DPP6: variants seen among roughly 807,000 people sequenced by gnomAD.
DPP6 encodes the protein A-type potassium channel modulatory protein DPP6.
A neutral mutation model predicts 122.6 loss-of-function variants in DPP6; 69 were observed. The ratio of observed to expected loss-of-function variants is 0.56; its 90% CI spans 0.46 to 0.69. The LOEUF (loss-of-function observed/expected upper bound fraction) is 0.69. DPP6 is among the 30% of genes least tolerant of loss of function. The pLI is 0.00. For missense variants in DPP6, 928 were observed against 1,116.9 expected (o/e 0.83, Z 2.41); for synonymous variants, 418 against 433.1 (o/e 0.97, Z 0.43).
intron 1 of DPP6, among the ~76,000 whole-genome samples, chr7:153,966,436 C>G (rs1395962976): frequency 6.7e-6 from 1 of 149,118 alleles, no homozygotes; most frequent in African/African-American, 2.5e-5. Flanking sequence ...TCATTCCCCT[C>G]GTCTTCCCTC....
intron 1 of DPP6, among the ~76,000 whole-genome samples, chr7:153,918,566 GTCTCTC>G (rs59605527): frequency 0.017 from 1,812 of 103,972 alleles, 25 homozygotes; most frequent in Non-Finnish European, 0.022. Flanking sequence ...CACACACACA[GTCTCTC>G]TCTCTCTCTC....
chr7:154,713,146 G>A (rs892518669), intron 7 of DPP6, among the ~76,000 whole-genome samples: 12 of 152,192 alleles, frequency 7.9e-5, no homozygotes, highest in African/African-American at 1.9e-4. Flanking sequence ...TTCCAAAAAT[G>A]TGTTTCACGT....
rs76685594 is a variant in DPP6 at position 153,888,666 on chromosome 7, A to G, written c.51+932A>G. On this transcript the variant is annotated intron_variant, in intron 1 of 25. Transcript: ENST00000404039. ...CCCATTAGGTCATGGTCTGAGAAGA[A>G]TCCTCTGACGGTCCCTTATTTTAAG... Among the ~76,000 whole-genome samples, 1,260 of 147,946 alleles carry G rather than the reference A, an allele frequency of 8.5e-3. 25 individuals carry two copies. Among genetic ancestry groups the G allele is most frequent in the African/African-American group, 0.03 (1,215 of 39,890 alleles).
At chr7:154,354,717 G>A (rs1811136036) in intron 1 of DPP6, among the ~76,000 whole-genome samples, 1 of 152,146 alleles carries the variant, frequency 6.6e-6, no homozygotes. Context: ...ATGTAGTACT[G>A]GTTCACTCTT....
At chr7:154,342,100 G>A (rs978670637) in intron 1 of DPP6, among the ~76,000 whole-genome samples, 6 of 152,166 alleles carry the variant, frequency 3.9e-5, no homozygotes, top group African/African-American at 1.2e-4. Context: ...TTAATAATTG[G>A]TTAATTATGA....
At chr7:153,930,385 T>G (rs1391983942) in intron 1 of DPP6, among the ~76,000 whole-genome samples, 1 of 152,218 alleles carries the variant, frequency 6.6e-6, no homozygotes, top group Non-Finnish European at 1.5e-5. Flanking sequence ...GAAGATGGTG[T>G]GACTTCCATA....
intron 1 of DPP6, among the ~76,000 whole-genome samples, chr7:154,333,105 T>C (rs1454031005): frequency 6.6e-6 from 1 of 152,204 alleles, no homozygotes; most frequent in Non-Finnish European, 1.5e-5. Context: ...ATGTTCCCTT[T>C]TGGCTGTTTT....
At chr7:154,216,476 G>A (rs1800004810) in intron 1 of DPP6, among the ~76,000 whole-genome samples, 1 of 152,192 alleles carries the variant, frequency 6.6e-6, no homozygotes, top group South Asian at 2.1e-4. Context: ...CTTGGTCCAA[G>A]GACTAGGGCA....
At position 154,449,546 on chromosome 7, in the gene DPP6, C is replaced by G. The variant is rs111302752; in HGVS notation, c.358+3218C>G. ...TTCAGTAGTTCTCCTAAAAGTTAAACACAGAGTTACCATATTACCTAGTAA... is the reference window on the plus strand; with the variant it reads ...TTCAGTAGTTCTCCTAAAAGTTAAAGACAGAGTTACCATATTACCTAGTAA... On this transcript the variant is annotated intron_variant, in intron 2 of 25. Coordinates refer to ENST00000377770, the MANE Select transcript of DPP6 (RefSeq NM_130797.4). 3.0e-4 allele frequency among the ~76,000 whole-genome samples: 45 copies of G among 152,222 alleles called. No homozygotes were observed. In the East Asian group the frequency reaches 4.6e-3, roughly 16 times the overall value.
rs374654863 is a variant in DPP6 at position 154,209,911 on chromosome 7, T to C, written c.243+156848T>C. 7.2e-5 allele frequency among the ~76,000 whole-genome samples: 11 copies of C among 152,270 alleles called. No homozygotes were observed. The East Asian group carries it at 1.9e-3, about 27-fold the overall frequency. ...CCTTGATTGAAAACACTAACAGATATGCATGCAGTTAGACCCCAGTGTTCA... is the reference window on the plus strand; with the variant it reads ...CCTTGATTGAAAACACTAACAGATACGCATGCAGTTAGACCCCAGTGTTCA... On this transcript the variant is annotated intron_variant, in intron 1 of 25. Transcript: ENST00000377770.
chr7:154,310,650 C>T (rs1467424436), intron 1 of DPP6, among the ~76,000 whole-genome samples: 2 of 152,172 alleles, frequency 1.3e-5, no homozygotes, highest in Non-Finnish European at 2.9e-5. Flanking sequence ...ATACTCAAAA[C>T]CTTCAAATGC....
intron 19 of DPP6, 146 bp downstream of exon 19, chr7:154,872,839 T>C: frequency 6.9e-7 from 1 of 1,456,404 alleles, no homozygotes; most frequent in Non-Finnish European, 9.2e-7. Context: ...TTTAGCCCAA[T>C]GTCAGGTTCT....
intron 1 of DPP6, among the ~76,000 whole-genome samples, chr7:153,950,290 C>T (rs899482551): frequency 3.9e-5 from 6 of 151,960 alleles, no homozygotes; most frequent in Non-Finnish European, 8.8e-5. Flanking sequence ...GCAGAGATGG[C>T]GGCATGTAGA....
intron 1 of DPP6, among the ~76,000 whole-genome samples, chr7:154,195,598 G>T (rs1483056123): frequency 6.6e-6 from 1 of 152,212 alleles, no homozygotes; most frequent in Non-Finnish European, 1.5e-5. Flanking sequence ...ACCACAAAAT[G>T]TGGAGGAAGA....
At chr7:153,872,368 C>A in the DPP6 span, among the ~76,000 whole-genome samples, 2 of 152,034 alleles carry the variant, frequency 1.3e-5, no homozygotes, top group Admixed American at 6.6e-5. Flanking sequence ...ATAGAGTAAG[C>A]CTCATAGCAT....
intron 1 of DPP6, among the ~76,000 whole-genome samples, chr7:154,016,727 C>G (rs1798436986): frequency 6.6e-6 from 1 of 152,200 alleles, no homozygotes; most frequent in African/African-American, 2.4e-5. Flanking sequence ...GGGGAACTTT[C>G]ATACTGTTTT....
chr7:154,499,586 A>G (rs1353629310), intron 3 of DPP6, among the ~76,000 whole-genome samples: 1 of 152,088 alleles, frequency 6.6e-6, no homozygotes, highest in Admixed American at 6.6e-5. Context: ...GTCCTTTAGG[A>G]CACCACACCT....
chr7:153,920,367 C>T (rs190437604), intron 1 of DPP6, among the ~76,000 whole-genome samples: 3 of 151,208 alleles, frequency 2.0e-5, no homozygotes, highest in African/African-American at 7.4e-5. Context: ...GAATCTTTTG[C>T]GATGCTGTGT....
At chr7:154,655,965 C>T (rs1488547804) in intron 6 of DPP6, among the ~76,000 whole-genome samples, 1 of 152,040 alleles carries the variant, frequency 6.6e-6, no homozygotes, top group Non-Finnish European at 1.5e-5. Flanking sequence ...CCTAGGGCTG[C>T]GGTGAGAAAT....
Sources: allele counts gnomAD v4.1 joint callset (sites outside exome capture counted in the v4.1 genomes callset), GRCh38; gene constraint gnomAD v4.1.1; transcripts MANE v1.5; gene names NCBI Gene and HGNC (gene_info 2026-07-23, HGNC 2026-07-21).